Variants in TRIM2 observed in about 807,000 individuals in gnomAD.
TRIM2 encodes tripartite motif-containing protein 2.
A neutral mutation model predicts 75.2 loss-of-function variants in TRIM2; 20 were observed. The observed-to-expected ratio is 0.27, with a 90% CI of 0.19 to 0.39. The LOEUF (loss-of-function observed/expected upper bound fraction) is 0.39. TRIM2 is among the 10% of genes least tolerant of loss of function. The pLI, the probability that TRIM2 is intolerant of heterozygous loss-of-function variation, is 1.00. For synonymous variants in TRIM2, 373 were observed against 388.3 expected, an observed-to-expected ratio of 0.96 and a Z score of 0.46; for missense variants, 660 against 990.8, an observed-to-expected ratio of 0.67 and a Z score of 4.48.
chr4:153,229,035 C>T (rs371292078), intron 1 of TRIM2, among the ~76,000 whole-genome samples: 3 of 152,080 alleles, frequency 2.0e-5, no homozygotes, highest in East Asian at 1.9e-4. Flanking sequence ...AGTGAGGGTA[C>T]GTGGGGCCCT....
intron 1 of TRIM2, among the ~76,000 whole-genome samples, chr4:153,267,179 G>A (rs937257800): frequency 1.9e-4 from 29 of 152,092 alleles, no homozygotes; most frequent in Non-Finnish European, 5.9e-5. Context: ...CAGGCACCAG[G>A]CCAAGTTAAA....
chr4:153,223,888 G>A (rs960403705), intron 1 of TRIM2, among the ~76,000 whole-genome samples: 4 of 152,206 alleles, frequency 2.6e-5, no homozygotes, highest in Non-Finnish European at 1.5e-5. Flanking sequence ...GCCCCTTAGG[G>A]TGTGAGGGGT....
intron 1 of TRIM2, among the ~76,000 whole-genome samples, chr4:153,223,610 C>T (rs960705523): frequency 2.6e-5 from 4 of 152,148 alleles, no homozygotes. Flanking sequence ...AGCTGCATGC[C>T]GCTGACAAAG....
At chr4:153,301,844 T>C (rs1344700108) in intron 6 of TRIM2, among the ~76,000 whole-genome samples, 1 of 152,244 alleles carries the variant, frequency 6.6e-6, no homozygotes, top group Non-Finnish European at 1.5e-5. Context: ...CAGTGGTCTA[T>C]GTTTTTAAGC....
intron 3 of TRIM2, among the ~76,000 whole-genome samples, chr4:153,284,518 G>C (rs1270884579): frequency 6.6e-6 from 1 of 152,232 alleles, no homozygotes; most frequent in South Asian, 2.1e-4. Context: ...ACCACCAACT[G>C]TTTTCACAGT....
chr4:153,283,861 CTTTTTTTTTTT>C (rs71598257), intron 3 of TRIM2, among the ~76,000 whole-genome samples: 39 of 53,280 alleles, frequency 7.3e-4, no homozygotes, highest in African/African-American at 3.1e-3. Flanking sequence ...TGGCCTTGAT[CTTTTTTTTTTT>C]TTTTTTTTTT....
intron 6 of TRIM2, among the ~76,000 whole-genome samples, chr4:153,308,936 G>A (rs1381369361): frequency 6.6e-6 from 1 of 152,082 alleles, no homozygotes; most frequent in Non-Finnish European, 1.5e-5. Flanking sequence ...GTCATTATAG[G>A]ACCTTCACCC....
intron 1 of TRIM2, among the ~76,000 whole-genome samples, chr4:153,182,003 C>T (rs181350749): frequency 2.6e-5 from 4 of 152,298 alleles, no homozygotes; most frequent in Non-Finnish European, 5.9e-5. Flanking sequence ...CCACCCTCAA[C>T]TCTGATGCTT....
At chr4:153,279,077 G>T (rs983268261) in intron 3 of TRIM2, among the ~76,000 whole-genome samples, 6 of 152,164 alleles carry the variant, frequency 3.9e-5, no homozygotes, top group Admixed American at 2.0e-4. Flanking sequence ...TTGACATTTT[G>T]GAGGAATGGG....
Position 153,339,065 on chromosome 4 carries a change from A to G in TRIM2, c.*4099A>G. 1.0e-6 allele frequency: 1 copy of G among 985,536 alleles called. No homozygotes were observed. 61.0% of individuals were successfully genotyped at this position (985,536 alleles called of 1,614,324 possible). On this transcript the variant is annotated 3_prime_UTR_variant, in exon 12 of 12. Transcript: ENST00000338700. ...AAGTCTTGCACTCTCTGACATTGATACTGATATATTCTCGTCATTTGTTCT... is the reference window on the plus strand; with the variant it reads ...AAGTCTTGCACTCTCTGACATTGATGCTGATATATTCTCGTCATTTGTTCT...
At position 153,294,432 on chromosome 4, in the gene TRIM2, C is replaced by T. The variant is rs754843842; in HGVS notation, c.733C>T (p.Arg245Cys). Residue 245 changes from arginine to cysteine, a missense_variant, in exon 5 of 12, where the codon CGC becomes TGC. This residue lies in a region of TRIM2 where 620 missense variants were observed against 891.0 expected (regional missense o/e 0.70). Transcript: ENST00000338700. ...FDELQKTLNV[R>C]KSVLLMELEV... is the part of the protein sequence containing the mutation. Reference sequence around the variant, plus strand: ...TGAGCTCCAGAAGACTTTAAATGTGCGCAAGAGTGTGCTGCTTATGGAATT... The same window carrying T: ...TGAGCTCCAGAAGACTTTAAATGTGTGCAAGAGTGTGCTGCTTATGGAATT... 10 of 1,613,940 alleles carry T rather than the reference C, an allele frequency of 6.2e-6. No homozygotes were observed. The highest frequency in any genetic ancestry group is 3.3e-5 in the Admixed American group (2 of 59,998).
In TRIM2 at chr4:153,210,340, C is replaced by T. The variant is rs72965004; in HGVS notation, c.30+5780C>T. On this transcript the variant is annotated intron_variant, in intron 1 of 11. Coordinates refer to ENST00000338700, the MANE Select transcript of TRIM2 (RefSeq NM_015271.5). The stretch of plus-strand genomic sequence containing the variant: ...TTGACCTCCCAAAGTAATGGGATTT[C>T]GGGTGTGATCCACCGTGCCTGGGCT... 6.0e-3 allele frequency among the ~76,000 whole-genome samples: 909 copies of T among 152,226 alleles called. 7 individuals are homozygous for T. The highest frequency in any genetic ancestry group is 0.021 in the African/African-American group (869 of 41,536).
At chr4:153,310,170 T>G (rs1765938806) in intron 6 of TRIM2, 1 of 152,218 alleles carries the variant, frequency 6.6e-6, no homozygotes, top group Non-Finnish European at 1.5e-5. Flanking sequence ...GTTAAATTGA[T>G]TATAATTACT....
intron 1 of TRIM2, among the ~76,000 whole-genome samples, chr4:153,228,634 A>G (rs1337455304): frequency 6.6e-6 from 1 of 152,236 alleles, no homozygotes; most frequent in Non-Finnish European, 1.5e-5. Context: ...CTTTCTTACA[A>G]TGCTGCTTTC....
intron 3 of TRIM2, among the ~76,000 whole-genome samples, chr4:153,292,188 G>A (rs1310421412): frequency 6.6e-6 from 1 of 152,184 alleles, no homozygotes; most frequent in East Asian, 1.9e-4. Flanking sequence ...ATTTTCCACA[G>A]GCTATGTGAT....
chr4:153,221,874 GGGAAGGA>G (rs1560834958), intron 1 of TRIM2, among the ~76,000 whole-genome samples: 1 of 119,450 alleles, frequency 8.4e-6, no homozygotes, highest in Non-Finnish European at 1.8e-5. Context: ...GAGGAAGGAA[GGGAAGGA>G]GGAAGGAAGG....
At chr4:153,276,198 A>G (rs773929206) in intron 3 of TRIM2, 68 bp downstream of exon 3, 1 of 1,303,856 alleles carries the variant, frequency 7.7e-7, no homozygotes, top group Non-Finnish European at 1.1e-6. Context: ...GGCTTTGGGT[A>G]CATCAGAGAT....
chr4:153,235,774 T>A (rs534136262), intron 1 of TRIM2, among the ~76,000 whole-genome samples: 4 of 152,212 alleles, frequency 2.6e-5, no homozygotes, highest in Non-Finnish European at 2.9e-5. Context: ...AGCTATTCCT[T>A]CTGATCAGAT....
chr4:153,154,777 G>A (rs948495985), intron 1 of TRIM2, among the ~76,000 whole-genome samples: 1 of 152,148 alleles, frequency 6.6e-6, no homozygotes, highest in African/African-American at 2.4e-5. Flanking sequence ...TATTTATCAG[G>A]TTATGGCCCT....
Sources: allele counts gnomAD v4.1 joint callset (sites outside exome capture counted in the v4.1 genomes callset), GRCh38; gene constraint gnomAD v4.1.1; regional missense constraint gnomAD v4.1.1; transcripts MANE v1.5; gene names NCBI Gene and HGNC (gene_info 2026-07-23, HGNC 2026-07-21).